Variants in CUL5 observed in about 807,000 individuals in gnomAD.
The protein encoded by CUL5 is cullin 5.
Under a neutral mutation model 108.8 loss-of-function variants are expected in CUL5, and 26 were observed. The observed-to-expected ratio is 0.24, with a 90% confidence interval of 0.18 to 0.33. The LOEUF is 0.33. CUL5 is among the 10% of genes least tolerant of loss of function. The probability of loss-of-function intolerance (pLI) is 1.00; values close to 1 mark genes in which losing one functional copy is unlikely to be tolerated. For synonymous variants in CUL5, 334 were observed against 298.0 expected (o/e 1.12, Z -1.25); for missense variants, 524 against 909.2 (o/e 0.58, Z 5.45).
In CUL5 at chr11:108,066,655, T is replaced by G. The variant is rs184004049; in HGVS notation, c.781-3441T>G. 2.6e-5 allele frequency among the ~76,000 whole-genome samples: 4 copies of G among 152,326 alleles called. No homozygotes were observed. The East Asian group carries it at 7.7e-4, about 29-fold the overall frequency. On this transcript the variant is annotated intron_variant, in intron 7 of 18. Transcript: ENST00000393094. The stretch of plus-strand genomic sequence containing the variant: ...CTATTTGAATTCCCGTGGTAACTAT[T>G]GTTTCTACCACTAGGTTTAGGAGCA...
intron 10 of CUL5, chr11:108,073,739 A>G (rs1233372103): frequency 4.0e-6 from 1 of 248,514 alleles, no homozygotes; most frequent in African/African-American, 2.2e-5. Context: ...TTTTTCCAAG[A>G]ATGTTTTTCT....
chr11:108,056,148 A>G (rs994869478), intron 7 of CUL5, among the ~76,000 whole-genome samples: 1 of 152,146 alleles, frequency 6.6e-6, no homozygotes, highest in Non-Finnish European at 1.5e-5. Flanking sequence ...TACGTGGAGG[A>G]CTGACCTTAG....
chr11:108,103,170 T>G (rs1158551166), intron 18 of CUL5, among the ~76,000 whole-genome samples: 1 of 152,226 alleles, frequency 6.6e-6, no homozygotes, highest in African/African-American at 2.4e-5. Context: ...TTTAATGATT[T>G]TCTGATAACT....
intron 5 of CUL5, among the ~76,000 whole-genome samples, chr11:108,053,078 A>G (rs1471780665): frequency 3.3e-5 from 5 of 152,242 alleles, no homozygotes; most frequent in African/African-American, 9.6e-5. Context: ...TGTAGCTCAT[A>G]AAAGGTAACT....
chr11:108,095,616 C>T lies in CUL5; in HGVS notation c.1830C>T (p.Pro610=), dbSNP rs1441747229. 1 of 1,613,968 alleles carries T rather than the reference C, an allele frequency of 6.2e-7. No homozygotes were observed. The highest frequency in any genetic ancestry group is 1.1e-5 in the South Asian group (1 of 91,068). Residue 610 remains proline, a synonymous_variant, in exon 16 of 19, where the codon CCC becomes CCT. Transcript: ENST00000393094. The stretch of plus-strand genomic sequence containing the variant: ...TATTGTTTGCATGGAACCAAAGACC[C>T]AGAGAGAAAATCAGCTTTGAAAATC... ...LAVLFAWNQR[P]REKISFENLK...
rs561066485 is a variant in CUL5, at chr11:108,048,684, T to C, written c.235-1206T>C. Among the ~76,000 whole-genome samples, 49 of 90,212 alleles carry C rather than the reference T, an allele frequency of 5.4e-4. 1 individual carries two copies. The highest frequency in any genetic ancestry group is 1.7e-3 in the African/African-American group (45 of 26,698). The allele number at this position is 90,212 out of a possible 152,430, so 59.2% of individuals were successfully genotyped here. ...TTTTTTTTTTTTTTTTTTTTTTTTTTGAGGTGGATTCTCACTTTGTCGCCC... is the reference window on the plus strand; with the variant it reads ...TTTTTTTTTTTTTTTTTTTTTTTTTCGAGGTGGATTCTCACTTTGTCGCCC... On this transcript the variant is annotated intron_variant, in intron 3 of 18. Transcript: ENST00000393094.
chr11:108,065,318 T>G (rs1268943199), intron 7 of CUL5, among the ~76,000 whole-genome samples: 1 of 152,056 alleles, frequency 6.6e-6, no homozygotes, highest in African/African-American at 2.4e-5. Context: ...CCACTGCACC[T>G]GTTGGGAGAA....
At chr11:108,065,008 A>C (rs1443502935) in intron 7 of CUL5, among the ~76,000 whole-genome samples, 1 of 151,700 alleles carries the variant, frequency 6.6e-6, no homozygotes, top group Admixed American at 6.6e-5. Flanking sequence ...ATTTTATTTC[A>C]TTTTATTTAT....
chr11:108,098,299 C>T, intron 17 of CUL5, 107 bp from the exon 18 acceptor site: 13 of 999,530 alleles, frequency 1.3e-5, no homozygotes, highest in Non-Finnish European at 1.9e-5. Flanking sequence ...TTAAACAGTT[C>T]TGATATTTTA....
At chr11:108,051,317 G>C (rs1045923785) in intron 4 of CUL5, among the ~76,000 whole-genome samples, 2 of 152,182 alleles carry the variant, frequency 1.3e-5, no homozygotes, top group Admixed American at 6.5e-5. Context: ...CATCCACTTA[G>C]TGATTAAGTG....
chr11:108,066,451 C>G (rs760018698), intron 7 of CUL5, among the ~76,000 whole-genome samples: 1 of 152,052 alleles, frequency 6.6e-6, no homozygotes, highest in Non-Finnish European at 1.5e-5. Context: ...AAGAGTCACT[C>G]TACTCCAATA....
chr11:108,061,329 C>T (rs1300730888), intron 7 of CUL5, among the ~76,000 whole-genome samples: 3 of 152,166 alleles, frequency 2.0e-5, no homozygotes, highest in Non-Finnish European at 4.4e-5. Flanking sequence ...AACTGACTCT[C>T]TTAGGACAAG....
intron 8 of CUL5, among the ~76,000 whole-genome samples, chr11:108,071,825 G>A (rs1331217101): frequency 6.6e-6 from 1 of 152,018 alleles, no homozygotes; most frequent in Non-Finnish European, 1.5e-5. Context: ...AAGTGCTGGA[G>A]TTACAAGCGT....
At chr11:108,069,996 A>T (rs965716112) in intron 7 of CUL5, 100 bp from the exon 8 acceptor site, 76 of 599,768 alleles carry the variant, frequency 1.3e-4, no homozygotes, top group South Asian at 1.0e-3. Flanking sequence ...TTTCAGTATA[A>T]TTTTTTTTTT....
chr11:108,073,143 A>C (rs1166582801), intron 9 of CUL5, among the ~76,000 whole-genome samples: 1 of 151,794 alleles, frequency 6.6e-6, no homozygotes, highest in African/African-American at 2.4e-5. Context: ...TGGAGCTTGC[A>C]GTGAGCCGAG....
intron 1 of CUL5, among the ~76,000 whole-genome samples, chr11:108,030,425 G>A (rs897694933): frequency 6.6e-6 from 1 of 152,138 alleles, no homozygotes; most frequent in Non-Finnish European, 1.5e-5. Flanking sequence ...ATCACCTGAG[G>A]TCGGGAGTTT....
intron 1 of CUL5, among the ~76,000 whole-genome samples, chr11:108,010,846 C>T (rs1862041920): frequency 6.6e-6 from 1 of 152,168 alleles, no homozygotes; most frequent in Non-Finnish European, 1.5e-5. Context: ...CTCCTGTAAT[C>T]TCAGCTCTTT....
At chr11:108,102,480 C>A (rs1406665438) in intron 18 of CUL5, among the ~76,000 whole-genome samples, 1 of 152,144 alleles carries the variant, frequency 6.6e-6, no homozygotes, top group Non-Finnish European at 1.5e-5. Flanking sequence ...GCGCGTGCCA[C>A]CATACCCAGC....
At chr11:108,095,960 G>T (rs903226576) in intron 16 of CUL5, among the ~76,000 whole-genome samples, 2 of 151,656 alleles carry the variant, frequency 1.3e-5, no homozygotes, top group Non-Finnish European at 2.9e-5. Context: ...GCTGGGCGTG[G>T]TGGTGGGCGC....
Sources: gnomAD v4.1 joint callset for allele counts (sites outside exome capture counted in the v4.1 genomes callset) on GRCh38, gnomAD v4.1.1 for gene constraint, MANE v1.5 for transcripts, NCBI Gene and HGNC (gene_info 2026-07-23, HGNC 2026-07-21) for gene names.